The following AP2A2 variants were observed in gnomAD, a reference collection of about 807,000 sequenced individuals.
The protein encoded by AP2A2 is AP-2 complex subunit alpha-2.
Under a neutral mutation model 104.2 loss-of-function variants are expected in AP2A2, and 32 were observed. That is an observed-to-expected ratio of 0.31 (90% CI 0.23 to 0.41). The LOEUF is 0.41. Among genes scored for constraint, AP2A2 ranks in the 10% least tolerant of loss-of-function variants. AP2A2 has a pLI of 1.00. For synonymous variants in AP2A2, 539 were observed against 533.3 expected (o/e 1.01, Z -0.15); for missense variants, 912 against 1,261.0 (o/e 0.72, Z 4.19).
At chr11:933,484 G>T in intron 1 of AP2A2, 1 of 454,488 alleles carries the variant, frequency 2.2e-6, no homozygotes, top group Non-Finnish European at 4.4e-6. Context: ...GGTGGGATAG[G>T]TTGAGGTGGG....
chr11:950,942 A>G (rs1243536959), intron 1 of AP2A2, among the ~76,000 whole-genome samples: 1 of 151,914 alleles, frequency 6.6e-6, no homozygotes, highest in Non-Finnish European at 1.5e-5. Flanking sequence ...AAATACAAAA[A>G]TTAACTGGGT....
rs1430446799 is a variant in AP2A2, at chr11:926,068, T to C, written c.47T>C (p.Phe16Ser). The C allele has an allele frequency of 7.3e-7, 1 of 1,369,272 alleles. No homozygotes were observed. The highest frequency in any genetic ancestry group is 9.5e-7 in the Non-Finnish European group (1 of 1,050,592). 84.8% of individuals were successfully genotyped at this position (1,369,272 alleles called of 1,614,324 possible). A position where few individuals can be genotyped will look rare whatever the true frequency, so the allele number is the denominator to read the frequency against. Residue 16 changes from phenylalanine to serine, a missense_variant, in exon 1 of 22, where the codon TTC becomes TCC. By Grantham distance (155) the Phe-to-Ser change is radical. Transcript: ENST00000448903. ...GACGGGATGCGGGGCCTGGCGGTCT[T>C]CATCTCGGATATCCGCAACTGTGAG... ...KGDGMRGLAVFISDIRNCKSK... is the reference protein window; with the variant it reads ...KGDGMRGLAVSISDIRNCKSK...
Position 1,006,632 on chromosome 11 carries a change from A to C in AP2A2, c.2296+15A>C. ...CCTTCAGCCTAATATCCTTGGCTTC[A>C]TTGCCCCATGCCCGCAGACAGCATA... On this transcript the variant is annotated intron_variant, in intron 17 of 21. Transcript: ENST00000448903. 1 of 1,599,294 alleles carries C rather than the reference A, an allele frequency of 6.3e-7. No homozygotes were observed. The highest frequency in any genetic ancestry group is 8.6e-7 in the Non-Finnish European group (1 of 1,167,216).
At chr11:939,247 C>CAAA (rs546835879) in intron 1 of AP2A2, among the ~76,000 whole-genome samples, 1,855 of 51,414 alleles carry the variant, frequency 0.036, 70 homozygotes, top group African/African-American at 0.12. Flanking sequence ...GACTCTGTCT[C>CAAA]AAAAAAAAAA....
chr11:926,739 C>A (rs1317538003), intron 1 of AP2A2, among the ~76,000 whole-genome samples: 1 of 152,192 alleles, frequency 6.6e-6, no homozygotes, highest in Admixed American at 6.5e-5. Flanking sequence ...AATCTGGACA[C>A]GAGCAGCAGT....
chr11:990,500 G>C (rs893395518), intron 10 of AP2A2, among the ~76,000 whole-genome samples: 1 of 152,170 alleles, frequency 6.6e-6, no homozygotes, highest in Non-Finnish European at 1.5e-5. Context: ...GAGTGCAGTT[G>C]TGCAGATTTT....
At position 1,011,939 on chromosome 11, in the gene AP2A2, G is replaced by T. The variant is rs891624366; in HGVS notation, c.*1314G>T. On this transcript the variant is annotated 3_prime_UTR_variant, in exon 22 of 22. Transcript: ENST00000448903. The stretch of plus-strand genomic sequence containing the variant: ...ATCACAGCATAGCCACGTCAGTGGC[G>T]TGCGCCTCTCGCACAGGCCATTCTG... The T allele has an allele frequency of 5.8e-6, 1 of 172,532 alleles. No individual in the cohort carries two copies. The highest frequency in any genetic ancestry group is 1.2e-5 in the Non-Finnish European group (1 of 81,282). The allele number at this position is 172,532 out of a possible 1,614,324, so 10.7% of individuals were successfully genotyped here.
At chr11:978,353 A>T (rs560824853) in intron 5 of AP2A2, among the ~76,000 whole-genome samples, 2 of 152,288 alleles carry the variant, frequency 1.3e-5, no homozygotes, top group African/African-American at 4.8e-5. Context: ...TTCCATGGCC[A>T]TGCAGCCGCA....
intron 14 of AP2A2, among the ~76,000 whole-genome samples, chr11:998,783 C>T (rs558676382): frequency 4.6e-5 from 7 of 152,208 alleles, no homozygotes; most frequent in South Asian, 2.1e-4. Context: ...CTGCAATCTC[C>T]GCCTCCTGGT....
chr11:993,988 AG>A lies in AP2A2; in HGVS notation c.1782+5del. The A allele has an allele frequency of 6.2e-7, 1 of 1,610,508 alleles. No homozygotes were observed. Among genetic ancestry groups the A allele is most frequent in the Non-Finnish European group, 8.5e-7 (1 of 1,177,900 alleles). On this transcript the variant is annotated splice_donor_region_variant and intron_variant, in intron 13 of 21. Coordinates refer to ENST00000448903, the MANE Select transcript of AP2A2 (RefSeq NM_012305.4). The surrounding 1 kb of genome is among the most constrained non-coding windows in gnomAD (Gnocchi z 8.2). ...CCGTGGCCAGCACCGACATTCTGGT[AG>A]GAGGCCCCCGCCCTTCGGGCTGGCT...
chr11:959,960 G>A (rs956940469), intron 2 of AP2A2, among the ~76,000 whole-genome samples: 14 of 152,220 alleles, frequency 9.2e-5, no homozygotes, highest in African/African-American at 3.1e-4. Context: ...TGTGAAGTAC[G>A]GATTTAGTTT....
At position 972,094 on chromosome 11, in the gene AP2A2, A is replaced by C. The variant is rs1237652801; in HGVS notation, c.312A>C (p.Ser104=). The change falls in exon 4 of 22, where the codon TCA becomes TCC. Residue 104 remains serine (S), a synonymous_variant. Transcript: ENST00000448903. ...GYLFISVLVN[S]NSELIRLINN... Reference sequence around the variant, plus strand: ...TTTTCATCTCTGTGTTGGTGAACTCAAACAGTGAGCTGATCCGCCTGATCA... The same window carrying C: ...TTTTCATCTCTGTGTTGGTGAACTCCAACAGTGAGCTGATCCGCCTGATCA... The C allele has an allele frequency of 1.9e-6, 3 of 1,613,638 alleles. No homozygotes were observed. In the African/African-American group the frequency reaches 4.0e-5, roughly 22 times the overall value.
In AP2A2 at chr11:959,489, C is replaced by A; in HGVS notation, c.120C>A (p.Ile40=). Reference sequence around the variant, plus strand: ...GGATAAACAAGGAACTGGCAAATATCAGATCAAAATTTAAAGGTAAGTATG... The same window carrying A: ...GGATAAACAAGGAACTGGCAAATATAAGATCAAAATTTAAAGGTAAGTATG... The part of the protein sequence containing the change: ...IKRINKELAN[I]RSKFKGDKAL... The change falls in exon 2 of 22, where the codon ATC becomes ATA. Residue 40 remains isoleucine, a synonymous_variant. Transcript: ENST00000448903. 1 of 1,555,490 alleles carries A rather than the reference C, an allele frequency of 6.4e-7. No homozygotes were observed. Among genetic ancestry groups the A allele is most frequent in the Non-Finnish European group, 8.8e-7 (1 of 1,130,974 alleles).
intron 1 of AP2A2, among the ~76,000 whole-genome samples, chr11:939,570 G>A (rs1471717960): frequency 2.0e-5 from 3 of 151,812 alleles, no homozygotes; most frequent in Non-Finnish European, 4.4e-5. Flanking sequence ...TCAGCCTCCC[G>A]AGTAGCTGGG....
chr11:984,767 C>A lies in AP2A2; in HGVS notation c.814+14C>A. 2 of 1,578,116 alleles carry A rather than the reference C, an allele frequency of 1.3e-6. No homozygotes were observed. Among genetic ancestry groups the A allele is most frequent in the Non-Finnish European group, 8.7e-7 (1 of 1,150,442 alleles). ...ACCCACCCCCAGGTAACGCGCAGGC[C>A]GCGGCTCCTGAAGCTGCACCAGTGC... On this transcript the variant is annotated intron_variant, in intron 7 of 21. Transcript: ENST00000448903.
chr11:989,131 G>A (rs1855562423), intron 10 of AP2A2, among the ~76,000 whole-genome samples: 2 of 152,186 alleles, frequency 1.3e-5, no homozygotes, highest in Admixed American at 1.3e-4. Flanking sequence ...AGACCAGCCT[G>A]ACAAACATGG....
chr11:1,009,307 C>T (rs11246379), intron 19 of AP2A2, 21 bp from the exon 20 acceptor site: 124,705 of 1,612,634 alleles, frequency 0.077, 5,152 homozygotes, highest in Middle Eastern at 0.1. Flanking sequence ...TGAGAACACT[C>T]GCCTTTGCTG....
intron 6 of AP2A2, 129 bp downstream of exon 6, chr11:981,428 C>G: frequency 1.3e-6 from 1 of 742,168 alleles, no homozygotes; most frequent in Non-Finnish European, 2.2e-6. Context: ...AACTTGGCTT[C>G]TCTGTCAGCC....
At chr11:952,283 C>G (rs1056008826) in intron 1 of AP2A2, among the ~76,000 whole-genome samples, 2 of 152,220 alleles carry the variant, frequency 1.3e-5, no homozygotes, top group African/African-American at 4.8e-5. Flanking sequence ...GGCTCCTTTA[C>G]TATTTTTTGT....
Sources: allele counts gnomAD v4.1 joint callset (sites outside exome capture counted in the v4.1 genomes callset), GRCh38; gene constraint gnomAD v4.1.1; non-coding constraint Gnocchi (gnomAD v3.1); transcripts MANE v1.5; gene names NCBI Gene and HGNC (gene_info 2026-07-23, HGNC 2026-07-21).